Variants in TBC1D19 observed in about 807,000 individuals in gnomAD.
TBC1D19 encodes TBC1 domain family, member 19.
Under a neutral mutation model 89.0 loss-of-function variants are expected in TBC1D19, and 60 were observed. The ratio of observed to expected loss-of-function variants is 0.67; its 90% CI spans 0.55 to 0.84. TBC1D19 has a LOEUF of 0.84. Among genes scored for constraint, TBC1D19 ranks in the 40% least tolerant of loss-of-function variants. The pLI is 0.00. For missense variants in TBC1D19, 500 were observed against 610.8 expected (o/e 0.82, Z 1.91); for synonymous variants, 189 against 199.7 (o/e 0.95, Z 0.45).
At chr4:26,726,746 A>G (rs1311276565) in intron 15 of TBC1D19, among the ~76,000 whole-genome samples, 1 of 152,192 alleles carries the variant, frequency 6.6e-6, no homozygotes, top group Non-Finnish European at 1.5e-5. Context: ...GCTGGAGTGA[A>G]GTTGAAGTGA....
chr4:26,815,181 A>T, the TBC1D19 span, among the ~76,000 whole-genome samples: 1 of 152,378 alleles, frequency 6.6e-6, no homozygotes, highest in South Asian at 2.1e-4. Flanking sequence ...TGCCAATAAG[A>T]AATTGTGGCT....
chr4:26,849,116 C>A, the TBC1D19 span, among the ~76,000 whole-genome samples: 1 of 152,004 alleles, frequency 6.6e-6, no homozygotes, highest in Non-Finnish European at 1.5e-5. Context: ...GTTGAGGCTG[C>A]AGTGAGCTGA....
intron 13 of TBC1D19, among the ~76,000 whole-genome samples, chr4:26,704,618 A>G (rs1715588948): frequency 6.6e-6 from 1 of 152,154 alleles, no homozygotes; most frequent in South Asian, 2.1e-4. Flanking sequence ...TGCTAGCAAA[A>G]GAAGATATTT....
rs931667178 is a variant in TBC1D19, at chr4:26,694,004, A to G, written c.954+5597A>G. On this transcript the variant is annotated intron_variant, in intron 13 of 20. Transcript: ENST00000264866. ...AAGATGGGTGATTTCTGCATTTCCA[A>G]CTGAGGTACCGGGTTCACCTCACTG... Among the ~76,000 whole-genome samples, 3 of 152,082 alleles carry G rather than the reference A, an allele frequency of 2.0e-5. No homozygotes were observed. The South Asian group carries it at 6.2e-4, about 32-fold the overall frequency.
At chr4:26,782,890 A>G in the TBC1D19 span, among the ~76,000 whole-genome samples, 3 of 152,060 alleles carry the variant, frequency 2.0e-5, no homozygotes, top group Non-Finnish European at 2.9e-5. Flanking sequence ...CTTTGTAAGT[A>G]TATTTGAATT....
At chr4:26,592,463 A>G (rs140194234) in intron 1 of TBC1D19, among the ~76,000 whole-genome samples, 3,746 of 152,286 alleles carry the variant, frequency 0.025, 139 homozygotes, top group African/African-American at 0.084. Flanking sequence ...CTCCTATTCA[A>G]CATAGTGTTG....
chr4:26,737,962 T>C lies in TBC1D19; in HGVS notation c.1118-1902T>C, dbSNP rs553835683. The stretch of plus-strand genomic sequence containing the variant: ...TTTATGCAGATTAATGAAGTTTTAT[T>C]GTAGGTGTATAGTATATTATGGTGT... On this transcript the variant is annotated intron_variant, in intron 16 of 20. Transcript: ENST00000264866. Among the ~76,000 whole-genome samples the C allele has an allele frequency of 5.3e-5, 8 of 152,148 alleles. No individual in the cohort carries two copies. The South Asian group carries it at 1.7e-3, about 32-fold the overall frequency.
chr4:26,769,248 T>C, the TBC1D19 span, among the ~76,000 whole-genome samples: 1 of 152,054 alleles, frequency 6.6e-6, no homozygotes, highest in African/African-American at 2.4e-5. Context: ...CTACAAGAGC[T>C]GAAAGAAATC....
At chr4:26,722,321 G>A (rs1039343307) in intron 15 of TBC1D19, among the ~76,000 whole-genome samples, 1 of 152,028 alleles carries the variant, frequency 6.6e-6, no homozygotes, top group African/African-American at 2.4e-5. Context: ...AGTTGTCCAT[G>A]GACTCAAGTT....
intron 7 of TBC1D19, among the ~76,000 whole-genome samples, 160 bp downstream of exon 7, chr4:26,640,347 T>C (rs1743415878): frequency 6.6e-6 from 1 of 152,182 alleles, no homozygotes; most frequent in Non-Finnish European, 1.5e-5. Flanking sequence ...AAAATTACCC[T>C]TGGAAAATAT....
intron 1 of TBC1D19, chr4:26,576,850 C>T (rs556056410): frequency 9.6e-5 from 44 of 456,074 alleles, no homozygotes; most frequent in African/African-American, 7.4e-4. Context: ...ATGTCATGAA[C>T]CTGTTGTATC....
chr4:26,585,134 T>C (rs1739334311), intron 1 of TBC1D19: 1 of 435,920 alleles, frequency 2.3e-6, no homozygotes, highest in Non-Finnish European at 4.6e-6. Context: ...TGGATATTTG[T>C]TTCTTTTTTT....
intron 15 of TBC1D19, among the ~76,000 whole-genome samples, chr4:26,722,171 CAATT>C (rs1315296355): frequency 6.6e-6 from 1 of 152,062 alleles, no homozygotes; most frequent in Non-Finnish European, 1.5e-5. Flanking sequence ...TATTTGAACT[CAATT>C]AGAGGTTTGT....
At chr4:26,762,943 C>T in the TBC1D19 span, among the ~76,000 whole-genome samples, 1 of 152,126 alleles carries the variant, frequency 6.6e-6, no homozygotes, top group Admixed American at 6.6e-5. Flanking sequence ...GGACTTTTGA[C>T]CTCCAGAACT....
intron 7 of TBC1D19, among the ~76,000 whole-genome samples, chr4:26,654,490 C>T (rs1744647707): frequency 6.6e-6 from 1 of 152,182 alleles, no homozygotes; most frequent in African/African-American, 2.4e-5. Flanking sequence ...GTTCCATTCT[C>T]CCCATCACTT....
chr4:26,609,317 G>C (rs1312967432), intron 1 of TBC1D19, among the ~76,000 whole-genome samples: 2 of 152,122 alleles, frequency 1.3e-5, no homozygotes, highest in Non-Finnish European at 2.9e-5. Context: ...CCCATTCCTT[G>C]CCTTTGAATT....
chr4:26,693,292 T>G (rs1047686176), intron 13 of TBC1D19, among the ~76,000 whole-genome samples: 3 of 152,178 alleles, frequency 2.0e-5, no homozygotes, highest in African/African-American at 7.2e-5. Flanking sequence ...ATAACAATCA[T>G]GAGCCCCAGC....
intron 13 of TBC1D19, among the ~76,000 whole-genome samples, chr4:26,709,249 T>C (rs968733623): frequency 7.9e-5 from 12 of 152,046 alleles, no homozygotes; most frequent in African/African-American, 2.7e-4. Context: ...TCACTTTTCA[T>C]TGAGCGCATG....
At chr4:26,850,937 T>G in the TBC1D19 span, among the ~76,000 whole-genome samples, 1 of 152,082 alleles carries the variant, frequency 6.6e-6, no homozygotes, top group Non-Finnish European at 1.5e-5. Flanking sequence ...GTGGGAAAGA[T>G]CCACCCTCAA....
Sources: gnomAD v4.1 joint callset for allele counts (sites outside exome capture counted in the v4.1 genomes callset) on GRCh38, gnomAD v4.1.1 for gene constraint, MANE v1.5 for transcripts, NCBI Gene and HGNC (gene_info 2026-07-23, HGNC 2026-07-21) for gene names.